GRK7: variants seen among roughly 807,000 people sequenced by gnomAD.
The protein encoded by GRK7 is rhodopsin kinase GRK7.
GRK7 carries 24 observed loss-of-function variants against 34.1 expected under a neutral mutation model. That is an observed-to-expected ratio of 0.70 (90% CI 0.51 to 0.99). GRK7 has a LOEUF of 0.99. Ranked by LOEUF, GRK7 falls within the 50% of genes least tolerant of loss-of-function variation. The pLI is 0.00. For synonymous variants in GRK7, 256 were observed against 279.4 expected (o/e 0.92, Z 0.84); for missense variants, 644 against 707.3 (o/e 0.91, Z 1.02).
Position 141,804,986 on chromosome 3 carries a change from GCA to G in GRK7, c.1051-2650_1051-2649del, listed in dbSNP as rs916251520. On this transcript the variant is annotated intron_variant, in intron 4 of 5. Transcript: ENST00000682958. ...CACACTCACATACACACACCCACTC[GCA>G]CACACACATACACTCACACACACTC... 9.9e-5 allele frequency among the ~76,000 whole-genome samples: 14 copies of G among 140,776 alleles called. No homozygotes were observed. The East Asian group carries it at 1.1e-3, about 11-fold the overall frequency. The allele number at this position is 140,776 out of a possible 152,430, so 92.4% of individuals were successfully genotyped here.
chr3:141,755,117 CT>C, the GRK7 span, among the ~76,000 whole-genome samples: 1 of 152,206 alleles, frequency 6.6e-6, no homozygotes, highest in South Asian at 2.1e-4. Flanking sequence ...TTTTGAAACT[CT>C]GAATAGAAAT....
rs1376029787 is a variant in GRK7 at position 141,818,074 on chromosome 3, T to G, written c.*1024T>G. 1 of 152,198 alleles carries G rather than the reference T, an allele frequency of 6.6e-6. No individual in the cohort carries two copies. The highest frequency in any genetic ancestry group is 1.5e-5 in the Non-Finnish European group (1 of 68,030). The allele number at this position is 152,198 out of a possible 1,614,324, so 9.4% of individuals were successfully genotyped here. A position where few individuals can be genotyped will look rare whatever the true frequency, so the allele number is the denominator to read the frequency against. On this transcript the variant is annotated 3_prime_UTR_variant, in exon 6 of 6. Transcript: ENST00000682958. ...TTGCAGTATAAATGAAACAAGACAG[T>G]CTATTCATCTTATGGCTTCTCTTGT...
At chr3:141,781,647 G>C (rs917286001) in intron 4 of GRK7, among the ~76,000 whole-genome samples, 2 of 152,104 alleles carry the variant, frequency 1.3e-5, no homozygotes, top group African/African-American at 4.8e-5. Flanking sequence ...CTCCTTTCCT[G>C]TTTAGTGTGG....
chr3:141,774,136 C>T (rs1459075136), intron 1 of GRK7, among the ~76,000 whole-genome samples: 1 of 152,132 alleles, frequency 6.6e-6, no homozygotes, highest in East Asian at 1.9e-4. Flanking sequence ...TGTTAGCAAT[C>T]ACAGAAAGTG....
rs560687757 is a variant in GRK7, at chr3:141,799,476, G to T, written c.1051-8169G>T. Among the ~76,000 whole-genome samples, 15 of 152,194 alleles carry T rather than the reference G, an allele frequency of 9.9e-5. 1 individual carries two copies. Among genetic ancestry groups the T allele is most frequent in the African/African-American group, 3.6e-4 (15 of 41,532 alleles). On this transcript the variant is annotated intron_variant, in intron 4 of 5. Coordinates refer to ENST00000682958, the MANE Select transcript of GRK7 (RefSeq NM_139209.3). ...AAAAATACAAAATTAGCCGGGCGTGGTGGTGAGCGCCTGTAATCCCAGCTA... is the reference window on the plus strand; with the variant it reads ...AAAAATACAAAATTAGCCGGGCGTGTTGGTGAGCGCCTGTAATCCCAGCTA...
Position 141,778,113 on chromosome 3 carries a change from C to G in GRK7, c.-113-59C>G. On this transcript the variant is annotated intron_variant, in intron 2 of 5. Transcript: ENST00000682958. The surrounding 1 kb of genome is among the most constrained non-coding windows in gnomAD (Gnocchi z 4.1). ...CAGTTCCTGGCGGGCTATACATAGC[C>G]AGTCAAAGCTTCTTACAAGAGAAAC... 1.3e-6 allele frequency: 1 copy of G among 753,184 alleles called. No homozygotes were observed. The allele number at this position is 753,184 out of a possible 1,614,324, so 46.7% of individuals were successfully genotyped here.
At chr3:141,794,071 G>A (rs2084738180) in intron 4 of GRK7, among the ~76,000 whole-genome samples, 1 of 152,116 alleles carries the variant, frequency 6.6e-6, no homozygotes, top group African/African-American at 2.4e-5. Context: ...ACTGGGTGAG[G>A]GTGGGGGTAG....
chr3:141,783,205 G>A (rs569301177), intron 4 of GRK7, among the ~76,000 whole-genome samples: 2 of 152,340 alleles, frequency 1.3e-5, no homozygotes, highest in African/African-American at 4.8e-5. Flanking sequence ...TCACTTAGAT[G>A]TCACTGGCTA....
At chr3:141,777,491 A>ATTTTTTTTTTTTTTTTTTTTTTTTTTT (rs530806848) in intron 2 of GRK7, among the ~76,000 whole-genome samples, 1 of 80,594 alleles carries the variant, frequency 1.2e-5, no homozygotes, top group African/African-American at 5.9e-5. Context: ...AGCCCGGCTA[A>ATTTTTTTTTTTTTTTTTTTTTTTTTTT]TTTTTTTTTT....
At chr3:141,771,745 C>T (rs1013176016) in intron 1 of GRK7, among the ~76,000 whole-genome samples, 1 of 151,858 alleles carries the variant, frequency 6.6e-6, no homozygotes, top group Non-Finnish European at 1.5e-5. Flanking sequence ...AGAGCAGTGG[C>T]GCAATCTAGG....
intron 1 of GRK7, among the ~76,000 whole-genome samples, chr3:141,769,611 T>C (rs879911043): frequency 9.9e-5 from 15 of 152,232 alleles, no homozygotes; most frequent in Non-Finnish European, 1.9e-4. Context: ...ACTTTGGCCT[T>C]CTCTGATCTG....
In GRK7 at chr3:141,765,043, T is replaced by A. The variant is rs1212193397; in HGVS notation, c.-910T>A. Reference sequence around the variant, plus strand: ...TTCTGTCTGTGATCCTGTTAAAATGTCCATCTGATTGTTGAAAACTTCCAG... The same window carrying A: ...TTCTGTCTGTGATCCTGTTAAAATGACCATCTGATTGTTGAAAACTTCCAG... On this transcript the variant is annotated 5_prime_UTR_variant, in exon 1 of 6. Transcript: ENST00000682958. Among the ~76,000 whole-genome samples, 2 of 152,254 alleles carry A rather than the reference T, an allele frequency of 1.3e-5. No individual in the cohort carries two copies. Among genetic ancestry groups the A allele is most frequent in the Non-Finnish European group, 2.9e-5 (2 of 68,046 alleles).
At chr3:141,788,423 A>C (rs2084706970) in intron 4 of GRK7, among the ~76,000 whole-genome samples, 1 of 152,044 alleles carries the variant, frequency 6.6e-6, no homozygotes, top group South Asian at 2.1e-4. Flanking sequence ...CTGGGCTCTA[A>C]ACAGAGCTCA....
At position 141,763,797 on chromosome 3, in the gene GRK7, T is replaced by C. The variant is rs1403644370; in HGVS notation, c.-2156T>C. On this transcript the variant is annotated 5_prime_UTR_variant, in exon 1 of 6. Transcript: ENST00000682958. Reference sequence around the variant, plus strand: ...TTTTATTCCTGCAACTCCCACCCCTTCCTGACTTCTGAAACTTGTCCTCTG... The same window carrying C: ...TTTTATTCCTGCAACTCCCACCCCTCCCTGACTTCTGAAACTTGTCCTCTG... Among the ~76,000 whole-genome samples the C allele has an allele frequency of 6.6e-6, 1 of 152,128 alleles. No homozygotes were observed. Among genetic ancestry groups the C allele is most frequent in the East Asian group, 1.9e-4 (1 of 5,198 alleles).
chr3:141,814,727 TG>T (rs1172032283), intron 5 of GRK7, among the ~76,000 whole-genome samples: 3 of 152,174 alleles, frequency 2.0e-5, no homozygotes, highest in Non-Finnish European at 4.4e-5. Flanking sequence ...TATTTCCCTT[TG>T]GGTATGTACA....
the GRK7 span, among the ~76,000 whole-genome samples, chr3:141,754,376 T>G: frequency 3.2e-4 from 49 of 152,244 alleles, no homozygotes; most frequent in African/African-American, 1.2e-3. Context: ...AAGGATTTTT[T>G]TTTTCTTTAG....
At chr3:141,808,915 G>A (rs1479500003) in intron 5 of GRK7, among the ~76,000 whole-genome samples, 2 of 152,058 alleles carry the variant, frequency 1.3e-5, no homozygotes, top group Non-Finnish European at 2.9e-5. Flanking sequence ...GGGCACAGTG[G>A]CTCACACTGT....
chr3:141,791,179 C>T (rs182168107), intron 4 of GRK7, among the ~76,000 whole-genome samples: 90 of 152,314 alleles, frequency 5.9e-4, no homozygotes, highest in African/African-American at 2.1e-3. Context: ...TGACCAACTC[C>T]TCACATTCAG....
At chr3:141,774,993 A>C (rs1234032691) in intron 2 of GRK7, among the ~76,000 whole-genome samples, 1 of 151,908 alleles carries the variant, frequency 6.6e-6, no homozygotes, top group Non-Finnish European at 1.5e-5. Context: ...GGGTTTCGCC[A>C]TGTTGCCAGG....
Sources: gnomAD v4.1 joint callset for allele counts (sites outside exome capture counted in the v4.1 genomes callset) on GRCh38, gnomAD v4.1.1 for gene constraint, Gnocchi (gnomAD v3.1) non-coding constraint, MANE v1.5 for transcripts, NCBI Gene and HGNC (gene_info 2026-07-23, HGNC 2026-07-21) for gene names.